CNNM2: variants seen among roughly 807,000 people sequenced by gnomAD.
CNNM2 encodes cyclin and CBS domain divalent metal cation transport mediator 2, also known as metal transporter CNNM2.
Under a neutral mutation model 66.9 loss-of-function variants are expected in CNNM2, and 12 were observed. That is an observed-to-expected ratio of 0.18 (90% CI 0.11 to 0.29). The LOEUF is 0.29. CNNM2 is among the 10% of genes least tolerant of loss of function. CNNM2 has a pLI of 1.00. For synonymous variants in CNNM2, 557 were observed against 501.8 expected (o/e 1.11, Z -1.47); for missense variants, 705 against 1,167.7 (o/e 0.60, Z 5.77).
chr10:102,985,448 G>GCTC (rs1163806865), intron 1 of CNNM2, among the ~76,000 whole-genome samples: 3 of 152,242 alleles, frequency 2.0e-5, no homozygotes, highest in Middle Eastern at 3.4e-3. Context: ...TACATACCAA[G>GCTC]CTCCTCCTCA....
chr10:103,003,336 A>G (rs1236486862), intron 1 of CNNM2, among the ~76,000 whole-genome samples: 1 of 151,986 alleles, frequency 6.6e-6, no homozygotes, highest in East Asian at 1.9e-4. Context: ...CTGGTCGCCA[A>G]CCTCTGACCT....
chr10:102,959,262 A>C (rs1022129633), intron 1 of CNNM2, among the ~76,000 whole-genome samples: 2 of 152,150 alleles, frequency 1.3e-5, no homozygotes, highest in Non-Finnish European at 2.9e-5. Context: ...ACATTTACCC[A>C]TATAACTACA....
intron 1 of CNNM2, among the ~76,000 whole-genome samples, chr10:102,982,414 G>C (rs2063732812): frequency 6.6e-6 from 1 of 152,206 alleles, no homozygotes; most frequent in Non-Finnish European, 1.5e-5. Flanking sequence ...TAGATCTCAG[G>C]AATAGAAGGT....
At chr10:103,066,775 T>C (rs1388152922) in intron 4 of CNNM2, among the ~76,000 whole-genome samples, 3 of 152,228 alleles carry the variant, frequency 2.0e-5, no homozygotes, top group Admixed American at 2.0e-4. Context: ...TTGCTTCTCA[T>C]GTGCTCGCCT....
In CNNM2 at chr10:103,032,306, C is replaced by T. The variant is rs528608538; in HGVS notation, c.1622-17401C>T. 2.6e-5 allele frequency among the ~76,000 whole-genome samples: 4 copies of T among 152,142 alleles called. No homozygotes were observed. The East Asian group carries it at 7.7e-4, about 29-fold the overall frequency. On this transcript the variant is annotated intron_variant, in intron 1 of 7. Transcript: ENST00000369878. The stretch of plus-strand genomic sequence containing the variant: ...CTCTACTAAAAAAGACAAAAAACAG[C>T]TGGGCGTGATGGTGCACATCTGTAA...
chr10:103,071,898 C>G (rs940661966), intron 6 of CNNM2, 59 bp downstream of exon 6: 13 of 1,480,292 alleles, frequency 8.8e-6, no homozygotes, highest in Non-Finnish European at 1.2e-5. Context: ...CCCCCCATCA[C>G]GCCTGGCTGG....
chr10:103,056,255 T>C (rs1483543978), intron 3 of CNNM2, among the ~76,000 whole-genome samples: 1 of 152,188 alleles, frequency 6.6e-6, no homozygotes, highest in East Asian at 1.9e-4. Flanking sequence ...TTTTGAACAT[T>C]ACTTTTTTTT....
In CNNM2 at chr10:103,054,210, G is replaced by C; in HGVS notation, c.1766-119G>C. On this transcript the variant is annotated intron_variant, in intron 2 of 7. Transcript: ENST00000369878. This position sits in a 1 kb window ranked among gnomAD's most constrained non-coding sequence, Gnocchi z 5.2. ...TCCCCGTGGCATCTGTGCATAGAGCGCCTGCATCTGGAAATACAGTCCAGC... is the reference window on the plus strand; with the variant it reads ...TCCCCGTGGCATCTGTGCATAGAGCCCCTGCATCTGGAAATACAGTCCAGC... 1 of 1,129,214 alleles carries C rather than the reference G, an allele frequency of 8.9e-7. No individual in the cohort carries two copies. The highest frequency in any genetic ancestry group is 1.3e-6 in the Non-Finnish European group (1 of 793,390). The allele number at this position is 1,129,214 out of a possible 1,614,324, so 69.9% of individuals were successfully genotyped here.
chr10:102,969,487 C>T (rs2063517546), intron 1 of CNNM2, among the ~76,000 whole-genome samples: 1 of 152,026 alleles, frequency 6.6e-6, no homozygotes, highest in African/African-American at 2.4e-5. Flanking sequence ...GCTGGGATTA[C>T]AGGCGTGAGC....
rs1425079581 is a variant in CNNM2, at chr10:103,078,996, G to C, written c.*1816G>C. On this transcript the variant is annotated 3_prime_UTR_variant, in exon 8 of 8. Coordinates refer to ENST00000369878, the MANE Select transcript of CNNM2 (RefSeq NM_017649.5). ...CAGAAGGTGCCGTGTCCCTTAGTGG[G>C]GGGAAGTACTGATCTCACTTGGTGT... 6.6e-6 allele frequency: 1 copy of C among 152,280 alleles called. No homozygotes were observed. The highest frequency in any genetic ancestry group is 1.5e-5 in the Non-Finnish European group (1 of 68,106). The allele number at this position is 152,280 out of a possible 1,614,324, so 9.4% of individuals were successfully genotyped here. A position where few individuals can be genotyped will look rare whatever the true frequency, so the allele number is the denominator to read the frequency against.
At chr10:102,930,159 GAA>G (rs747713136) in intron 1 of CNNM2, among the ~76,000 whole-genome samples, 24 of 152,150 alleles carry the variant, frequency 1.6e-4, no homozygotes, top group Non-Finnish European at 3.5e-4. Flanking sequence ...GAGTGGAGGA[GAA>G]AGAGTTAAGA....
chr10:103,011,473 G>A (rs2064341585), intron 1 of CNNM2, among the ~76,000 whole-genome samples: 1 of 148,540 alleles, frequency 6.7e-6, no homozygotes, highest in Non-Finnish European at 1.5e-5. Flanking sequence ...AGCATTCCAT[G>A]GCCATTGGCA....
chr10:103,006,319 G>T (rs2064226744), intron 1 of CNNM2, among the ~76,000 whole-genome samples: 1 of 151,536 alleles, frequency 6.6e-6, no homozygotes, highest in South Asian at 2.1e-4. Flanking sequence ...CAATTCTCCT[G>T]CTTCAGCCTC....
intron 1 of CNNM2, among the ~76,000 whole-genome samples, chr10:103,015,899 C>G (rs142722320): frequency 3.2e-4 from 49 of 152,108 alleles, no homozygotes; most frequent in African/African-American, 1.1e-3. Context: ...AAAGGTGCCC[C>G]TCTAGGTAGA....
chr10:103,036,031 C>T (rs1163168810), intron 1 of CNNM2, among the ~76,000 whole-genome samples: 3 of 152,102 alleles, frequency 2.0e-5, no homozygotes, highest in Non-Finnish European at 4.4e-5. Flanking sequence ...TAGTTTAATC[C>T]TAGTTTTCCT....
At chr10:103,022,376 T>C (rs1223018106) in intron 1 of CNNM2, among the ~76,000 whole-genome samples, 3 of 152,226 alleles carry the variant, frequency 2.0e-5, no homozygotes, top group Non-Finnish European at 4.4e-5. Context: ...TTAAACTCTT[T>C]CTTCTTCATC....
intron 1 of CNNM2, among the ~76,000 whole-genome samples, chr10:102,978,275 AT>A (rs201510958): frequency 7.7e-5 from 11 of 142,782 alleles, no homozygotes; most frequent in South Asian, 6.7e-4. Flanking sequence ...ACTGGACTCG[AT>A]TTTTTTTTTC....
chr10:103,075,988 C>A, intron 6 of CNNM2, 98 bp from the exon 7 acceptor site: 2 of 1,138,730 alleles, frequency 1.8e-6, no homozygotes, highest in Non-Finnish European at 2.5e-6. Flanking sequence ...GTTGGCTGGG[C>A]TTGTGTGGCA....
intron 1 of CNNM2, among the ~76,000 whole-genome samples, chr10:102,955,399 T>C (rs1846996367): frequency 6.6e-6 from 1 of 152,206 alleles, no homozygotes; most frequent in African/African-American, 2.4e-5. Flanking sequence ...ACTTAAATGT[T>C]AGACCTAAAA....
Sources: allele counts gnomAD v4.1 joint callset (sites outside exome capture counted in the v4.1 genomes callset), GRCh38; gene constraint gnomAD v4.1.1; non-coding constraint Gnocchi (gnomAD v3.1); transcripts MANE v1.5; gene names NCBI Gene and HGNC (gene_info 2026-07-23, HGNC 2026-07-21).